The following JAM2 variants were observed in gnomAD, a reference collection of about 807,000 sequenced individuals.
JAM2 encodes the protein junctional adhesion molecule B.
In JAM2, 17 loss-of-function variants were observed where a neutral mutation model predicts 42.0. The ratio of observed to expected loss-of-function variants is 0.40; its 90% CI spans 0.28 to 0.61. JAM2 has a LOEUF of 0.61. Among genes scored for constraint, JAM2 ranks in the 20% least tolerant of loss-of-function variants. The probability of loss-of-function intolerance (pLI) is 0.37; values close to 1 mark genes in which losing one functional copy is unlikely to be tolerated. For synonymous variants in JAM2, 118 were observed against 128.6 expected (o/e 0.92, Z 0.56); for missense variants, 319 against 358.3 (o/e 0.89, Z 0.89).
chr21:25,703,729 A>T (rs1437696699), intron 6 of JAM2, among the ~76,000 whole-genome samples: 1 of 150,962 alleles, frequency 6.6e-6, no homozygotes, highest in Non-Finnish European at 1.5e-5. Context: ...TTCTTTCAGT[A>T]AAAAAAATGG....
chr21:25,688,284 A>G (rs895638172), intron 2 of JAM2, among the ~76,000 whole-genome samples: 2 of 132,316 alleles, frequency 1.5e-5, no homozygotes, highest in African/African-American at 5.2e-5. Flanking sequence ...GTGTGTGTAC[A>G]CGCGCCCACA....
intron 1 of JAM2, among the ~76,000 whole-genome samples, chr21:25,674,159 C>T (rs531237039): frequency 1.3e-5 from 2 of 152,218 alleles, no homozygotes; most frequent in South Asian, 4.1e-4. Context: ...TTTGGGAGGC[C>T]TAGGTAGGTG....
intron 2 of JAM2, among the ~76,000 whole-genome samples, chr21:25,687,001 CT>C (rs1236403895): frequency 6.6e-6 from 1 of 152,112 alleles, no homozygotes; most frequent in Non-Finnish European, 1.5e-5. Flanking sequence ...GCATATTTTC[CT>C]GTTTTTAATA....
intron 1 of JAM2, among the ~76,000 whole-genome samples, chr21:25,648,912 CT>C (rs142309451): frequency 0.019 from 2,909 of 152,246 alleles, 40 homozygotes; most frequent in Non-Finnish European, 0.031. Flanking sequence ...AATTATATAA[CT>C]TTTTAGCAAT....
chr21:25,686,369 T>G (rs544771586), intron 2 of JAM2, among the ~76,000 whole-genome samples: 27 of 152,384 alleles, frequency 1.8e-4, no homozygotes, highest in African/African-American at 6.3e-4. Flanking sequence ...TTTCTGTTTC[T>G]TCTACATTTT....
At chr21:25,662,338 C>T (rs940774870) in intron 1 of JAM2, among the ~76,000 whole-genome samples, 1 of 151,824 alleles carries the variant, frequency 6.6e-6, no homozygotes, top group East Asian at 1.9e-4. Context: ...TGTGTAGAGA[C>T]AGGGTCTTGC....
chr21:25,674,174 A>G (rs2033429095), intron 1 of JAM2, among the ~76,000 whole-genome samples: 2 of 152,162 alleles, frequency 1.3e-5, no homozygotes, highest in Admixed American at 1.3e-4. Flanking sequence ...TAGGTGGATC[A>G]CCTGAAGTCA....
At chr21:25,708,623 T>G (rs1031596670) in intron 7 of JAM2, among the ~76,000 whole-genome samples, 2 of 152,174 alleles carry the variant, frequency 1.3e-5, no homozygotes, top group African/African-American at 4.8e-5. Context: ...GTGCTTCAAT[T>G]TAGCCCACTT....
At chr21:25,659,773 T>C (rs1322784007) in intron 1 of JAM2, among the ~76,000 whole-genome samples, 1 of 152,248 alleles carries the variant, frequency 6.6e-6, no homozygotes, top group Non-Finnish European at 1.5e-5. Context: ...AAATATATTA[T>C]GCATACTATT....
rs1411440296 is a variant in JAM2, at chr21:25,702,276, A to C, written c.697+7A>C. The C allele has an allele frequency of 6.4e-7, 1 of 1,564,898 alleles. No homozygotes were observed. Among genetic ancestry groups the C allele is most frequent in the Non-Finnish European group, 8.8e-7 (1 of 1,140,268 alleles). ...GGGAAACGAATGCAAGTAGGTAAGC[A>C]TGAAATATTGGGAGGAACAAATGGT... On this transcript the variant is annotated splice_region_variant and intron_variant, in intron 6 of 9. Coordinates refer to ENST00000480456, the MANE Select transcript of JAM2 (RefSeq NM_021219.4).
chr21:25,662,715 A>G (rs913553750), intron 1 of JAM2, among the ~76,000 whole-genome samples: 2 of 152,138 alleles, frequency 1.3e-5, no homozygotes, highest in African/African-American at 4.8e-5. Context: ...ATATTTAAGT[A>G]TATTTTATAT....
chr21:25,690,160 G>GA (rs2033846033), intron 3 of JAM2, among the ~76,000 whole-genome samples, 187 bp downstream of exon 3: 1 of 152,194 alleles, frequency 6.6e-6, no homozygotes, highest in African/African-American at 2.4e-5. Flanking sequence ...AGAGGGAGGT[G>GA]AAGCCCACTG....
At chr21:25,664,432 C>T (rs1001373268) in intron 1 of JAM2, among the ~76,000 whole-genome samples, 2 of 152,162 alleles carry the variant, frequency 1.3e-5, no homozygotes, top group African/African-American at 4.8e-5. Context: ...GATGGGGTTT[C>T]ACTGTGTTGG....
At chr21:25,696,294 A>G (rs1568913604) in intron 4 of JAM2, among the ~76,000 whole-genome samples, 1 of 152,136 alleles carries the variant, frequency 6.6e-6, no homozygotes, top group African/African-American at 2.4e-5. Flanking sequence ...AGGCTGAGGC[A>G]GGAGAATCAG....
At chr21:25,692,790 A>T (rs1254767419) in intron 3 of JAM2, among the ~76,000 whole-genome samples, 2 of 152,168 alleles carry the variant, frequency 1.3e-5, no homozygotes, top group Non-Finnish European at 2.9e-5. Flanking sequence ...ATACCTTACA[A>T]ATTTTGCCTT....
chr21:25,711,141 G>T (rs1456136359), intron 8 of JAM2, among the ~76,000 whole-genome samples: 1 of 152,220 alleles, frequency 6.6e-6, no homozygotes, highest in East Asian at 1.9e-4. Context: ...TGGGAGTGGT[G>T]ATGGGAATAA....
chr21:25,646,276 G>A (rs1389366697), intron 1 of JAM2, among the ~76,000 whole-genome samples: 1 of 152,152 alleles, frequency 6.6e-6, no homozygotes, highest in Non-Finnish European at 1.5e-5. Context: ...AAGAAAAATG[G>A]CTCTTTGGTT....
chr21:25,714,527 C>A, intron 9 of JAM2, 113 bp from the exon 10 acceptor site: 1 of 763,968 alleles, frequency 1.3e-6, no homozygotes, highest in Non-Finnish European at 2.0e-6. Context: ...TAAATAAATA[C>A]TGGTTTTTAC....
In JAM2 at chr21:25,687,121, T is replaced by C. The variant is rs1332532642; in HGVS notation, c.134-2745T>C. On this transcript the variant is annotated intron_variant, in intron 2 of 9. Coordinates refer to ENST00000480456, the MANE Select transcript of JAM2 (RefSeq NM_021219.4). ...ATTTATAGGTAAATTTGTGATGGTA[T>C]AAAGTATATATTTCTACGTCAAGGC... Among the ~76,000 whole-genome samples, 3 of 152,196 alleles carry C rather than the reference T, an allele frequency of 2.0e-5. No homozygotes were observed. In the East Asian group the frequency reaches 5.8e-4, roughly 29 times the overall value.
Sources: gnomAD v4.1 joint callset for allele counts (sites outside exome capture counted in the v4.1 genomes callset) on GRCh38, gnomAD v4.1.1 for gene constraint, MANE v1.5 for transcripts, NCBI Gene and HGNC (gene_info 2026-07-23, HGNC 2026-07-21) for gene names.